Variants in NLRP1 observed in about 807,000 individuals in gnomAD.
The protein encoded by NLRP1 is NACHT, LRR and PYD domains-containing protein 1.
Under a neutral mutation model 136.7 loss-of-function variants are expected in NLRP1, and 94 were observed. The ratio of observed to expected loss-of-function variants is 0.69; its 90% CI spans 0.58 to 0.82. The LOEUF is 0.82. Ranked by LOEUF, NLRP1 falls within the 40% of genes least tolerant of loss-of-function variation. The pLI, the probability that NLRP1 is intolerant of heterozygous loss-of-function variation, is 0.00. For missense variants in NLRP1, 1,575 were observed against 1,802.7 expected, an observed-to-expected ratio of 0.87 and a Z score of 2.29; for synonymous variants, 690 against 725.1, an observed-to-expected ratio of 0.95 and a Z score of 0.78.
intron 7 of NLRP1, among the ~76,000 whole-genome samples, chr17:5,538,872 ATT>A (rs999437677): frequency 2.0e-5 from 3 of 150,432 alleles, no homozygotes; most frequent in African/African-American, 7.3e-5. Context: ...TTTTTATTTT[ATT>A]TGTTTAATTA....
chr17:5,557,315 T>C (rs1032563129), intron 4 of NLRP1, among the ~76,000 whole-genome samples: 2 of 152,112 alleles, frequency 1.3e-5, no homozygotes, highest in African/African-American at 4.8e-5. Context: ...TACATATCTT[T>C]TTTTTTTTCC....
chr17:5,518,334 A>C, intron 14 of NLRP1: 1 of 168,672 alleles, frequency 5.9e-6, no homozygotes, highest in Non-Finnish European at 1.3e-5. Context: ...AGTTTCCCCA[A>C]ACTCAGTAAA....
chr17:5,554,637 T>C (rs1298236658), intron 4 of NLRP1, among the ~76,000 whole-genome samples: 3 of 152,162 alleles, frequency 2.0e-5, no homozygotes, highest in South Asian at 2.1e-4. Context: ...CAGAGGGGTA[T>C]GTGAGAATTA....
rs755033516 is a variant in NLRP1 at position 5,533,350 on chromosome 17, G to C, written c.3087C>G (p.Leu1029=). Residue 1029 remains leucine, a synonymous_variant, in exon 10 of 17, where the codon CTC becomes CTG. Coordinates refer to ENST00000572272, the MANE Select transcript of NLRP1 (RefSeq NM_033004.4). ...RAASHVAQAN[L]KLLDVSKIFP... The stretch of plus-strand genomic sequence containing the variant: ...AGATCTTGCTCACGTCCAGGAGTTT[G>C]AGATTAGCCTGAGCAACATGGGAAG... 7.0e-7 allele frequency: 1 copy of C among 1,427,636 alleles called. No homozygotes were observed. The highest frequency in any genetic ancestry group is 2.0e-5 in the Admixed American group (1 of 50,826). The allele number at this position is 1,427,636 out of a possible 1,614,324, so 88.4% of individuals were successfully genotyped here.
rs200781417 is a variant in NLRP1 at position 5,558,725 on chromosome 17, T to A, written c.1971A>T (p.Leu657=). 3 of 1,614,226 alleles carry A rather than the reference T, an allele frequency of 1.9e-6. No homozygotes were observed. Among genetic ancestry groups the A allele is most frequent in the Non-Finnish European group, 2.5e-6 (3 of 1,180,036 alleles). Residue 657 remains leucine (L), a synonymous_variant, in exon 4 of 17, where the codon CTA becomes CTT. Coordinates refer to ENST00000572272, the MANE Select transcript of NLRP1 (RefSeq NM_033004.4). Reference sequence around the variant, plus strand: ...ACAGGCCATGTATTCCATATGCTTCTAGCGTCTTTTCCAAATCTATGATGC... The same window carrying A: ...ACAGGCCATGTATTCCATATGCTTCAAGCGTCTTTTCCAAATCTATGATGC... ...SNCIIDLEKT[L]EAYGIHGLFG... is the part of the protein sequence containing the mutation.
intron 3 of NLRP1, among the ~76,000 whole-genome samples, chr17:5,579,054 T>G (rs1305673626): frequency 6.6e-6 from 1 of 151,676 alleles, no homozygotes; most frequent in Non-Finnish European, 1.5e-5. Context: ...AGGTGGGAAA[T>G]GAACAATGAG....
At chr17:5,561,113 G>A (rs1914688992) in intron 3 of NLRP1, among the ~76,000 whole-genome samples, 2 of 152,166 alleles carry the variant, frequency 1.3e-5, no homozygotes, top group African/African-American at 4.8e-5. Context: ...CTGGAGTGCA[G>A]TGGCACGATC....
In NLRP1 at chr17:5,531,224, C is replaced by CTATG. The variant is rs1345686079; in HGVS notation, c.3297-521_3297-520insCATA. ...TCTATCTATCTATCTATCTATCTAT[C>CTATG]TAATCTATGGAAATATGGTCTCACT... On this transcript the variant is annotated intron_variant, in intron 11 of 16. Transcript: ENST00000572272. 2.5e-3 allele frequency among the ~76,000 whole-genome samples: 362 copies of CTATG among 146,438 alleles called. 2 individuals are homozygous for CTATG. The highest frequency in any genetic ancestry group is 8.4e-3 in the African/African-American group (327 of 39,072).
At chr17:5,549,824 G>C (rs1284009303) in intron 5 of NLRP1, among the ~76,000 whole-genome samples, 1 of 152,140 alleles carries the variant, frequency 6.6e-6, no homozygotes, top group Non-Finnish European at 1.5e-5. Context: ...AATGTTAGCT[G>C]TGGGTTTTTT....
In NLRP1 at chr17:5,536,883, C is replaced by G. The variant is rs200909159; in HGVS notation, c.2928G>C (p.Gln976His). 4.3e-6 allele frequency: 7 copies of G among 1,613,832 alleles called. No homozygotes were observed. The highest frequency in any genetic ancestry group is 5.1e-6 in the Non-Finnish European group (6 of 1,179,734). ...TGAAGATGAGCAGCTGAGGTTTCTC[C>G]TGCTCCAGGGCCCTCAGTTCCTGCC... Reference protein sequence around the residue: ...EMRQELRALEQEKPQLLIFSR... With the variant: ...EMRQELRALEHEKPQLLIFSR... The change falls in exon 8 of 17, where the codon CAG becomes CAC. Residue 976 changes from glutamine to histidine, a missense_variant. Coordinates refer to ENST00000572272, the MANE Select transcript of NLRP1 (RefSeq NM_033004.4).
chr17:5,582,931 A>T, intron 1 of NLRP1, 85 bp from the exon 2 acceptor site: 1 of 1,089,406 alleles, frequency 9.2e-7, no homozygotes, highest in Non-Finnish European at 1.3e-6. Context: ...TCCTCTCTCA[A>T]CCAAGAGAGG....
intron 12 of NLRP1, among the ~76,000 whole-genome samples, chr17:5,525,602 G>A (rs559029520): frequency 6.6e-6 from 1 of 152,262 alleles, no homozygotes; most frequent in South Asian, 2.1e-4. Flanking sequence ...AGGGACAGTG[G>A]GACCCACATC....
At chr17:5,521,119 A>G (rs899082048) in intron 13 of NLRP1, 107 bp from the exon 14 acceptor site, 13 of 1,147,432 alleles carry the variant, frequency 1.1e-5, no homozygotes, top group African/African-American at 6.1e-5. Flanking sequence ...GAGTGGGGCT[A>G]TATCACCCCT....
rs967373158 is a variant in NLRP1 at position 5,521,146 on chromosome 17, G to C, written c.3784-134C>G. 3.5e-6 allele frequency: 3 copies of C among 852,518 alleles called. No homozygotes were observed. In the African/African-American group the frequency reaches 5.1e-5, roughly 14 times the overall value. 52.8% of individuals were successfully genotyped at this position (852,518 alleles called of 1,614,324 possible). A position where few individuals can be genotyped will look rare whatever the true frequency, so the allele number is the denominator to read the frequency against. ...ATCACCCCTGCCTCCCTCCCCCCAT[G>C]CACTGCTACAGAGACAGCCCGCACT... is the stretch of plus-strand genomic sequence containing the variant. On this transcript the variant is annotated intron_variant, in intron 13 of 16. Transcript: ENST00000572272.
chr17:5,554,264 C>T (rs566215324), intron 4 of NLRP1, among the ~76,000 whole-genome samples: 4 of 152,126 alleles, frequency 2.6e-5, no homozygotes, highest in Non-Finnish European at 4.4e-5. Flanking sequence ...AGATGACGGG[C>T]TTTGTCTGAG....
chr17:5,535,378 C>T (rs994144049), intron 8 of NLRP1, among the ~76,000 whole-genome samples: 16 of 152,240 alleles, frequency 1.1e-4, no homozygotes, highest in East Asian at 3.9e-4. Context: ...CTGCTCCTGA[C>T]GCCTGGCCTC....
chr17:5,581,514 T>C (rs1244500333), intron 3 of NLRP1, among the ~76,000 whole-genome samples: 1 of 152,198 alleles, frequency 6.6e-6, no homozygotes, highest in Non-Finnish European at 1.5e-5. Context: ...AGGCCACTTG[T>C]GGGGTGAGGA....
At chr17:5,529,529 G>A (rs1018538749) in intron 12 of NLRP1, among the ~76,000 whole-genome samples, 2 of 151,876 alleles carry the variant, frequency 1.3e-5, no homozygotes, top group East Asian at 1.9e-4. Context: ...CGCCACGCCC[G>A]GCTAATTTTT....
intron 8 of NLRP1, among the ~76,000 whole-genome samples, chr17:5,535,871 T>C (rs1910980582): frequency 2.6e-5 from 4 of 152,200 alleles, no homozygotes; most frequent in South Asian, 2.1e-4. Flanking sequence ...GAAGGGAAGA[T>C]GGACTTTCCT....
Sources: allele counts gnomAD v4.1 joint callset (sites outside exome capture counted in the v4.1 genomes callset), GRCh38; gene constraint gnomAD v4.1.1; transcripts MANE v1.5; gene names NCBI Gene and HGNC (gene_info 2026-07-23, HGNC 2026-07-21).